Variants in CIB1 observed in about 807,000 individuals in gnomAD.
CIB1 encodes the protein calcium and integrin binding 1.
CIB1 carries 19 observed loss-of-function variants against 25.0 expected under a neutral mutation model. The observed-to-expected ratio is 0.76, with a 90% CI of 0.53 to 1.12. The LOEUF is 1.12. Ranked by LOEUF, CIB1 falls within the 50% of genes most tolerant of loss-of-function variation. The pLI is 0.00. For missense variants in CIB1, 236 were observed against 242.6 expected, an observed-to-expected ratio of 0.97 and a Z score of 0.18; for synonymous variants, 104 against 98.5, an observed-to-expected ratio of 1.06 and a Z score of -0.33.
At position 90,230,028 on chromosome 15, in the gene CIB1, G is replaced by A. The variant is rs1962434586; in HGVS notation, c.*456C>T. On this transcript the variant is annotated 3_prime_UTR_variant, in exon 7 of 7. Coordinates refer to ENST00000328649, the MANE Select transcript of CIB1 (RefSeq NM_006384.4). ...GGTTCTTTACATTTTGATGCATGCA[G>A]AGACTCATCTAACCACCACCCCAAT... The A allele has an allele frequency of 5.0e-6, 1 of 199,208 alleles. No homozygotes were observed. Among genetic ancestry groups the A allele is most frequent in the Non-Finnish European group, 1.0e-5 (1 of 96,144 alleles). 12.3% of individuals were successfully genotyped at this position (199,208 alleles called of 1,614,324 possible). A position where few individuals can be genotyped will look rare whatever the true frequency, so the allele number is the denominator to read the frequency against.
chr15:90,231,078 C>T lies in CIB1; in HGVS notation c.465+17G>A. 1 of 1,613,764 alleles carries T rather than the reference C, an allele frequency of 6.2e-7. No homozygotes were observed. The highest frequency in any genetic ancestry group is 8.5e-7 in the Non-Finnish European group (1 of 1,179,624). On this transcript the variant is annotated intron_variant, in intron 5 of 6. Coordinates refer to ENST00000328649, the MANE Select transcript of CIB1 (RefSeq NM_006384.4). ...CCAACTGCTCCCTCCCGCTCCCAGG[C>T]CTGCTCAGCTGCTCACGTTGTCGAT...
At chr15:90,255,077 A>G in the CIB1 span, among the ~76,000 whole-genome samples, 3 of 152,236 alleles carry the variant, frequency 2.0e-5, no homozygotes, top group African/African-American at 7.2e-5. Flanking sequence ...AGCACTTAGC[A>G]TACTCTTTGT....
At chr15:90,257,372 C>G in the CIB1 span, 1 of 1,494,786 alleles carries the variant, frequency 6.7e-7, no homozygotes, top group Non-Finnish European at 9.0e-7. Context: ...TCACTGTCAC[C>G]AAAGAACAAG....
chr15:90,258,815 G>A, the CIB1 span: 37 of 1,614,100 alleles, frequency 2.3e-5, no homozygotes, highest in Non-Finnish European at 3.0e-5. Flanking sequence ...TCTCTGTGAT[G>A]CTATGACCCT....
At chr15:90,256,590 TTTCTTTCTTTCTTTCTTTCC>T in the CIB1 span, among the ~76,000 whole-genome samples, 20 of 33,366 alleles carry the variant, frequency 6.0e-4, no homozygotes, top group South Asian at 3.0e-3. Flanking sequence ...TCTTTCTTTC[TTTCTTTCTTTCTTTCTTTCC>T]TTCCTTCCTT....
At chr15:90,242,042 C>T in the CIB1 span, 1 of 1,608,760 alleles carries the variant, frequency 6.2e-7, no homozygotes, top group Non-Finnish European at 8.5e-7. Context: ...CACTGGTGGC[C>T]CTGATGTCCC....
chr15:90,260,099 C>T, the CIB1 span, among the ~76,000 whole-genome samples: 13 of 152,262 alleles, frequency 8.5e-5, no homozygotes, highest in East Asian at 2.3e-3. Context: ...GACTGTGTAC[C>T]TGAGGGTCAT....
At chr15:90,256,118 G>T in the CIB1 span, 1 of 1,611,612 alleles carries the variant, frequency 6.2e-7, no homozygotes, top group South Asian at 1.1e-5. Flanking sequence ...GAAACCTTTT[G>T]ACCAGGCCCT....
At chr15:90,257,176 C>G in the CIB1 span, 455,689 of 1,612,450 alleles carry the variant, frequency 0.28, 72,579 homozygotes, top group East Asian at 0.67. Flanking sequence ...ATATGCGAGT[C>G]TACGTCCTGA....
At chr15:90,262,609 G>C in the CIB1 span, 10 of 1,532,926 alleles carry the variant, frequency 6.5e-6, no homozygotes, top group East Asian at 2.4e-4. Flanking sequence ...GCCGACCCAG[G>C]GCAGGGCTCC....
the CIB1 span, among the ~76,000 whole-genome samples, chr15:90,254,184 C>A: frequency 9.9e-6 from 1 of 101,364 alleles, no homozygotes; most frequent in East Asian, 5.5e-4. Context: ...CAGAGTGAGA[C>A]CCTGTTTTTT....
chr15:90,264,856 G>GC, the CIB1 span: 5 of 1,536,038 alleles, frequency 3.3e-6, no homozygotes, highest in African/African-American at 2.7e-5. Context: ...AATGCACCTT[G>GC]CCCTCCATGG....
chr15:90,251,770 C>T, the CIB1 span, among the ~76,000 whole-genome samples: 1 of 147,460 alleles, frequency 6.8e-6, no homozygotes, highest in Admixed American at 6.9e-5. Flanking sequence ...GAAGCTGAGA[C>T]ATTGCCATTC....
the CIB1 span, chr15:90,265,047 GACTGCC>G: frequency 6.9e-7 from 1 of 1,439,946 alleles, no homozygotes; most frequent in Non-Finnish European, 9.2e-7. Flanking sequence ...CTAAATGAAT[GACTGCC>G]ACCAAGTTCC....
chr15:90,240,798 A>T, the CIB1 span: 1 of 720,906 alleles, frequency 1.4e-6, no homozygotes, highest in Non-Finnish European at 2.2e-6. Context: ...TGGGTGACAG[A>T]GTGAGACTCC....
At chr15:90,235,459 A>T (rs1316999350), upstream of CIB1, among the ~76,000 whole-genome samples, 1 of 152,158 alleles carries the variant, frequency 6.6e-6, no homozygotes, top group Non-Finnish European at 1.5e-5. Context: ...GGTTGCAGTG[A>T]GCGGAGATTG....
rs574694331 is a variant in CIB1 at position 90,230,264 on chromosome 15, C to A, written c.*220G>T. 2.6e-4 allele frequency: 155 copies of A among 604,802 alleles called. No homozygotes were observed. The highest frequency in any genetic ancestry group is 4.0e-4 in the Non-Finnish European group (133 of 335,612). The allele number at this position is 604,802 out of a possible 1,614,324, so 37.5% of individuals were successfully genotyped here. On this transcript the variant is annotated 3_prime_UTR_variant, in exon 7 of 7. Transcript: ENST00000328649. ...CACACATAGGGTCAAACTTCTAAAC[C>A]TTTATTACTGATTAGTACAAACACA...
intron 2 of CIB1, 199 bp from the exon 3 acceptor site, chr15:90,232,526 G>A: frequency 4.3e-6 from 3 of 698,302 alleles, no homozygotes; most frequent in Non-Finnish European, 6.4e-6. Flanking sequence ...CTTGCAATGA[G>A]TATTTACTGA....
At chr15:90,248,494 C>T in the CIB1 span, among the ~76,000 whole-genome samples, 4 of 151,838 alleles carry the variant, frequency 2.6e-5, no homozygotes, top group Non-Finnish European at 5.9e-5. Context: ...GTGGGCAGGT[C>T]ACTTGAGGTC....
Sources: allele counts gnomAD v4.1 joint callset (sites outside exome capture counted in the v4.1 genomes callset), GRCh38; gene constraint gnomAD v4.1.1; transcripts MANE v1.5; gene names NCBI Gene and HGNC (gene_info 2026-07-23, HGNC 2026-07-21).